NF1: variants seen among roughly 807,000 people sequenced by gnomAD.
The protein encoded by NF1 is neurofibromin.
Under a neutral mutation model 325.7 loss-of-function variants are expected in NF1, and 122 were observed. The ratio of observed to expected loss-of-function variants is 0.37; its 90% CI spans 0.32 to 0.44. The LOEUF is 0.44. Ranked by LOEUF, NF1 falls within the 20% of genes least tolerant of loss-of-function variation. The pLI is 1.00. For synonymous variants in NF1, 1,091 were observed against 1,186.0 expected, an observed-to-expected ratio of 0.92 and a Z score of 1.65; for missense variants, 2,140 against 3,415.4, an observed-to-expected ratio of 0.63 and a Z score of 9.31.
rs1060500317 is a variant in NF1 at position 31,227,592 on chromosome 17, A to G, written c.2395A>G (p.Met799Val). The change falls in exon 20 of 58, where the codon ATG (methionine) becomes GTG (valine). Residue 799 changes from methionine to valine, a missense_variant. Coordinates refer to ENST00000358273, the MANE Select transcript of NF1 (RefSeq NM_001042492.3). ...KLILNYPKAK[M>V]EDGQAAESLH... is the part of the protein sequence containing the mutation. ...AATCCTTAACTATCCAAAAGCCAAAATGGAAGATGGCCAGGTAAGTCTGTA... is the reference window on the plus strand; with the variant it reads ...AATCCTTAACTATCCAAAAGCCAAAGTGGAAGATGGCCAGGTAAGTCTGTA... 3 of 1,613,750 alleles carry G rather than the reference A, an allele frequency of 1.9e-6. No individual in the cohort carries two copies. Among genetic ancestry groups the G allele is most frequent in the East Asian group, 2.2e-5 (1 of 44,852 alleles).
At chr17:31,251,629 T>C in intron 30 of NF1, 2 of 197,384 alleles carry the variant, frequency 1.0e-5, no homozygotes. Flanking sequence ...AATCTCACCC[T>C]TTTTCAGTAA....
chr17:31,252,641 A>G, intron 30 of NF1: 1 of 353,850 alleles, frequency 2.8e-6, no homozygotes, highest in East Asian at 4.3e-5. Context: ...ACCAAAATGT[A>G]AATATTTAAT....
intron 36 of NF1, among the ~76,000 whole-genome samples, chr17:31,287,246 A>C (rs911564696): frequency 3.9e-5 from 6 of 152,240 alleles, no homozygotes; most frequent in Admixed American, 6.5e-5. Flanking sequence ...AAAGGATAGT[A>C]ATCATTAAAA....
chr17:31,371,014 AG>A (rs1011419766), intron 57 of NF1, among the ~76,000 whole-genome samples: 3 of 151,998 alleles, frequency 2.0e-5, no homozygotes, highest in African/African-American at 7.2e-5. Flanking sequence ...AGGATGCCAA[AG>A]GGAAAAAAAA....
At chr17:31,251,021 A>G (rs1023977730) in intron 30 of NF1, 4 of 194,282 alleles carry the variant, frequency 2.1e-5, no homozygotes, top group Non-Finnish European at 4.3e-5. Flanking sequence ...ATAAGGCTTT[A>G]TTTTTTAATT....
chr17:31,124,335 G>A (rs1358741392), intron 1 of NF1, among the ~76,000 whole-genome samples: 2 of 151,836 alleles, frequency 1.3e-5, no homozygotes, highest in Non-Finnish European at 2.9e-5. Context: ...AAAGTGCTGG[G>A]ATTATAAGTG....
intron 57 of NF1, among the ~76,000 whole-genome samples, chr17:31,363,749 TC>T (rs1157081934): frequency 2.8e-5 from 4 of 140,690 alleles, no homozygotes; most frequent in Non-Finnish European, 6.1e-5. Flanking sequence ...TTTTTTTTTT[TC>T]CCCCTTTGGA....
At chr17:31,100,844 A>G (rs1912259808) in intron 1 of NF1, among the ~76,000 whole-genome samples, 1 of 152,236 alleles carries the variant, frequency 6.6e-6, no homozygotes, top group African/African-American at 2.4e-5. Context: ...CTGGGATTAC[A>G]GGCATGAGCC....
chr17:31,268,430 C>A (rs190379080), intron 36 of NF1, among the ~76,000 whole-genome samples: 2 of 151,924 alleles, frequency 1.3e-5, no homozygotes, highest in East Asian at 3.9e-4. Context: ...AGATCAAGAC[C>A]GTCCTGGCCA....
chr17:31,227,434 AT>A, intron 19 of NF1, 88 bp from the exon 20 acceptor site: 1 of 1,449,420 alleles, frequency 6.9e-7, no homozygotes, highest in Non-Finnish European at 9.7e-7. Flanking sequence ...TGAGTATTTA[AT>A]ATACATCAAG....
chr17:31,359,971 T>A (rs1357898359), intron 56 of NF1: 1 of 174,028 alleles, frequency 5.7e-6, no homozygotes, highest in East Asian at 1.5e-4. Flanking sequence ...TTTTAAGAAT[T>A]GGGTATTTTA....
intron 47 of NF1, among the ~76,000 whole-genome samples, chr17:31,342,375 A>G (rs1297715127): frequency 1.3e-5 from 2 of 152,086 alleles, no homozygotes; most frequent in African/African-American, 4.8e-5. Context: ...AGTTGGGAGG[A>G]TCACTTGAGG....
intron 30 of NF1, among the ~76,000 whole-genome samples, chr17:31,249,737 C>T (rs1415195552): frequency 6.6e-6 from 1 of 152,134 alleles, no homozygotes; most frequent in Admixed American, 6.5e-5. Flanking sequence ...TTAGGGAATT[C>T]GGTCTATGTT....
chr17:31,358,841 T>A (rs2070335593), intron 55 of NF1, 128 bp from the exon 56 acceptor site: 2 of 1,074,350 alleles, frequency 1.9e-6, no homozygotes, highest in African/African-American at 1.6e-5. Flanking sequence ...GCTTTGACAC[T>A]CATTCTAAAA....
chr17:31,325,698 G>A (rs1377914078), intron 36 of NF1, 122 bp from the exon 37 acceptor site: 6 of 786,056 alleles, frequency 7.6e-6, no homozygotes, highest in Non-Finnish European at 1.2e-5. Flanking sequence ...TCCAGACTTT[G>A]AAGAATTGTT....
chr17:31,340,240 T>A (rs1485775236), intron 46 of NF1: 2 of 500,166 alleles, frequency 4.0e-6, no homozygotes, highest in African/African-American at 3.9e-5. Flanking sequence ...TCTAGAAGAA[T>A]CAACAAACCT....
At chr17:31,281,876 G>C (rs1369332664) in intron 36 of NF1, among the ~76,000 whole-genome samples, 1 of 151,918 alleles carries the variant, frequency 6.6e-6, no homozygotes, top group African/African-American at 2.4e-5. Flanking sequence ...GGGCAACATA[G>C]TGATACCCTG....
intron 5 of NF1, among the ~76,000 whole-genome samples, chr17:31,170,536 C>A (rs2065912968): frequency 6.6e-6 from 1 of 152,138 alleles, no homozygotes; most frequent in Non-Finnish European, 1.5e-5. Flanking sequence ...GGTTTTGTCT[C>A]CTTGTAGAAC....
chr17:31,304,711 T>A, intron 36 of NF1: 1 of 1,614,176 alleles, frequency 6.2e-7, no homozygotes, highest in Non-Finnish European at 8.5e-7. Flanking sequence ...GTTGTTGGAG[T>A]CTTCAATGTT....
Sources: allele counts gnomAD v4.1 joint callset (sites outside exome capture counted in the v4.1 genomes callset), GRCh38; gene constraint gnomAD v4.1.1; transcripts MANE v1.5; gene names NCBI Gene and HGNC (gene_info 2026-07-23, HGNC 2026-07-21).